Variants in SSPN observed in about 807,000 individuals in gnomAD.
The protein encoded by SSPN is K-ras oncogene-associated protein.
SSPN carries 15 observed loss-of-function variants against 19.1 expected under a neutral mutation model. The observed-to-expected ratio is 0.78, with a 90% CI of 0.52 to 1.21. The LOEUF (loss-of-function observed/expected upper bound fraction) is 1.21. Among genes scored for constraint, SSPN ranks in the 50% most tolerant of loss-of-function variants. SSPN has a pLI of 0.00. For missense variants in SSPN, 291 were observed against 314.0 expected (o/e 0.93, Z 0.55); for synonymous variants, 147 against 140.3 (o/e 1.05, Z -0.34).
chr12:26,200,421 TAATGGAAGGG>T (rs1944867388), intron 1 of SSPN, among the ~76,000 whole-genome samples: 1 of 152,178 alleles, frequency 6.6e-6, no homozygotes, highest in Non-Finnish European at 1.5e-5. Flanking sequence ...AGTCTTGCCT[TAATGGAAGGG>T]AAAATTGGGT....
chr12:26,187,854 G>A (rs1318963566), intron 1 of SSPN, among the ~76,000 whole-genome samples: 1 of 152,246 alleles, frequency 6.6e-6, no homozygotes, highest in East Asian at 1.9e-4. Context: ...ACCAGGCAGT[G>A]AGTGTAAGAG....
At chr12:26,170,890 G>C (rs1348791434) in intron 1 of SSPN, among the ~76,000 whole-genome samples, 3 of 152,068 alleles carry the variant, frequency 2.0e-5, no homozygotes, top group Admixed American at 6.6e-5. Flanking sequence ...TGTCAAGCAT[G>C]GTATGTAATT....
At chr12:26,139,649 A>G (rs953945835) in intron 1 of SSPN, among the ~76,000 whole-genome samples, 21 of 152,248 alleles carry the variant, frequency 1.4e-4, no homozygotes, top group African/African-American at 4.8e-4. Context: ...TAGATGTAAT[A>G]ACTAATCTGA....
intron 1 of SSPN, among the ~76,000 whole-genome samples, chr12:26,166,279 A>T (rs756297958): frequency 8.5e-5 from 13 of 152,338 alleles, no homozygotes; most frequent in East Asian, 1.9e-4. Flanking sequence ...ATAATAATAA[A>T]AAAAAGTATA....
chr12:26,162,522 C>A (rs974006707), intron 1 of SSPN, among the ~76,000 whole-genome samples: 1 of 152,198 alleles, frequency 6.6e-6, no homozygotes, highest in Non-Finnish European at 1.5e-5. Context: ...TCCCCAGTAG[C>A]CCTTCATGGA....
intron 1 of SSPN, among the ~76,000 whole-genome samples, chr12:26,215,471 G>A (rs1050897620): frequency 2.0e-5 from 3 of 152,168 alleles, no homozygotes; most frequent in African/African-American, 7.2e-5. Context: ...GAAGCATGCT[G>A]GAGCATTGCT....
chr12:26,152,927 T>C (rs1296366857), intron 1 of SSPN, among the ~76,000 whole-genome samples: 2 of 152,220 alleles, frequency 1.3e-5, no homozygotes, highest in Non-Finnish European at 2.9e-5. Context: ...GCTGGCCATC[T>C]TTATTTTCCT....
intron 1 of SSPN, chr12:26,124,853 G>A: frequency 7.0e-7 from 1 of 1,436,724 alleles, no homozygotes; most frequent in Non-Finnish European, 9.8e-7. Flanking sequence ...GGTAGGCTTG[G>A]GAGACCTTGG....
intron 1 of SSPN, among the ~76,000 whole-genome samples, chr12:26,128,753 G>A (rs773489454): frequency 1.1e-4 from 17 of 152,166 alleles, no homozygotes; most frequent in Non-Finnish European, 1.8e-4. Context: ...AAAGAATTTT[G>A]TGATGCTTTG....
chr12:26,207,874 C>G (rs1253040213), intron 1 of SSPN, among the ~76,000 whole-genome samples: 1 of 151,954 alleles, frequency 6.6e-6, no homozygotes, highest in African/African-American at 2.4e-5. Context: ...GTGGCAGATG[C>G]CTGTTGTTCC....
intron 1 of SSPN, among the ~76,000 whole-genome samples, chr12:26,187,169 G>A (rs761195899): frequency 6.6e-6 from 1 of 152,202 alleles, no homozygotes; most frequent in Non-Finnish European, 1.5e-5. Context: ...TCCTCCCTGT[G>A]CCCAACCCTT....
chr12:26,189,011 G>A (rs1185137822), intron 1 of SSPN, among the ~76,000 whole-genome samples: 1 of 152,018 alleles, frequency 6.6e-6, no homozygotes, highest in African/African-American at 2.4e-5. Flanking sequence ...GAAGATCTAG[G>A]TGTTTTTTTG....
At chr12:26,124,242 T>C in intron 1 of SSPN, 2 of 1,017,436 alleles carry the variant, frequency 2.0e-6, no homozygotes, top group Non-Finnish European at 3.0e-6. Context: ...TATTGGATAT[T>C]ACCCTCGTCT....
intron 1 of SSPN, among the ~76,000 whole-genome samples, chr12:26,217,740 A>G (rs1476057882): frequency 6.9e-6 from 1 of 145,008 alleles, no homozygotes; most frequent in Non-Finnish European, 1.5e-5. Flanking sequence ...ATTATTTTGA[A>G]ATGCGTCCCA....
chr12:26,182,022 T>C (rs1355652370), intron 1 of SSPN, among the ~76,000 whole-genome samples: 1 of 152,256 alleles, frequency 6.6e-6, no homozygotes, highest in Non-Finnish European at 1.5e-5. Context: ...AATAGTATTC[T>C]TGAAGGATGG....
chr12:26,122,630 G>A lies in SSPN; in HGVS notation c.-31+478G>A, dbSNP rs918557539. 7 of 1,222,124 alleles carry A rather than the reference G, an allele frequency of 5.7e-6. No individual in the cohort carries two copies. The Admixed American group carries it at 3.0e-4, about 52-fold the overall frequency. 75.7% of individuals were successfully genotyped at this position (1,222,124 alleles called of 1,614,324 possible). On this transcript the variant is annotated intron_variant, in intron 1 of 2. Transcript: ENST00000538142. ...GCGCGGCTGCCGCCGCCGCCGCGCC[G>A]CCCCCCGGGCCGCCGCCGCTGCCGC...
At chr12:26,127,842 G>A (rs1944375627) in intron 1 of SSPN, among the ~76,000 whole-genome samples, 1 of 152,058 alleles carries the variant, frequency 6.6e-6, no homozygotes, top group East Asian at 1.9e-4. Flanking sequence ...TTGGCTTCTG[G>A]AATATTGGGC....
intron 1 of SSPN, among the ~76,000 whole-genome samples, chr12:26,142,680 A>T (rs1024443825): frequency 4.0e-4 from 61 of 152,200 alleles, no homozygotes; most frequent in African/African-American, 1.4e-3. Context: ...AATATGTGAT[A>T]TGAGTGGTTG....
intron 2 of SSPN, among the ~76,000 whole-genome samples, chr12:26,225,610 G>T (rs1945168167): frequency 6.6e-6 from 1 of 151,990 alleles, no homozygotes; most frequent in South Asian, 2.1e-4. Flanking sequence ...TAGAATTTTG[G>T]TGGATATGCC....
Sources: allele counts gnomAD v4.1 joint callset (sites outside exome capture counted in the v4.1 genomes callset), GRCh38; gene constraint gnomAD v4.1.1; transcripts MANE v1.5; gene names NCBI Gene and HGNC (gene_info 2026-07-23, HGNC 2026-07-21).